The following NRXN1 variants were observed in gnomAD, a reference collection of about 807,000 sequenced individuals.
NRXN1 encodes neurexin-1.
A neutral mutation model predicts 150.9 loss-of-function variants in NRXN1; 39 were observed. That is an observed-to-expected ratio of 0.26 (90% CI 0.20 to 0.34). The LOEUF (loss-of-function observed/expected upper bound fraction) is 0.34, where lower values mean the gene tolerates loss of function less well. Ranked by LOEUF, NRXN1 falls within the 10% of genes least tolerant of loss-of-function variation. NRXN1 has a pLI of 1.00. For missense variants in NRXN1, 1,815 were observed against 1,949.9 expected (o/e 0.93, Z 1.30); for synonymous variants, 924 against 757.0 (o/e 1.22, Z -3.62).
chr2:50,055,900 CTAAG>C (rs1162859127), intron 19 of NRXN1, among the ~76,000 whole-genome samples: 1 of 152,138 alleles, frequency 6.6e-6, no homozygotes, highest in Non-Finnish European at 1.5e-5. Context: ...TAGATCTAAC[CTAAG>C]TGAGAGCCCT....
At chr2:50,269,495 CAG>C (rs1398263215) in intron 17 of NRXN1, among the ~76,000 whole-genome samples, 1 of 152,172 alleles carries the variant, frequency 6.6e-6, no homozygotes, top group African/African-American at 2.4e-5. Context: ...AAAATAATAA[CAG>C]ATTATATCTG....
chr2:50,549,755 C>T (rs1667163486), intron 9 of NRXN1, among the ~76,000 whole-genome samples: 1 of 152,082 alleles, frequency 6.6e-6, no homozygotes, highest in South Asian at 2.1e-4. Context: ...TTTTATTCTG[C>T]TTGAAGATTA....
At chr2:50,228,043 T>A (rs889702611) in intron 18 of NRXN1, among the ~76,000 whole-genome samples, 1 of 152,060 alleles carries the variant, frequency 6.6e-6, no homozygotes, top group Admixed American at 6.6e-5. Context: ...ATGAGAGGTG[T>A]TGTTAAGTGT....
intron 17 of NRXN1, among the ~76,000 whole-genome samples, chr2:50,296,293 G>A (rs1329641365): frequency 6.6e-6 from 1 of 152,172 alleles, no homozygotes; most frequent in African/African-American, 2.4e-5. Flanking sequence ...AGTGAGAGAA[G>A]CAAATGCTTC....
chr2:50,103,067 G>A (rs184974275), intron 18 of NRXN1, among the ~76,000 whole-genome samples: 27 of 152,150 alleles, frequency 1.8e-4, no homozygotes, highest in Admixed American at 5.2e-4. Context: ...TATGCAACCT[G>A]ACATTCATCT....
chr2:50,667,347 A>C (rs901193645), intron 5 of NRXN1, among the ~76,000 whole-genome samples: 1 of 151,974 alleles, frequency 6.6e-6, no homozygotes, highest in African/African-American at 2.4e-5. Flanking sequence ...AAGTGTTACA[A>C]ATAGCACTTG....
chr2:50,327,622 C>A (rs2076471196), intron 17 of NRXN1, among the ~76,000 whole-genome samples: 1 of 151,594 alleles, frequency 6.6e-6, no homozygotes, highest in South Asian at 2.1e-4. Context: ...TCCCTCCCTC[C>A]TTCCCTCCCT....
chr2:50,194,078 C>A (rs1178493384), intron 18 of NRXN1, among the ~76,000 whole-genome samples: 1 of 152,090 alleles, frequency 6.6e-6, no homozygotes, highest in Non-Finnish European at 1.5e-5. Flanking sequence ...ACTGGCTTAC[C>A]CTTTGGTCAT....
intron 8 of NRXN1, among the ~76,000 whole-genome samples, chr2:50,567,746 T>C (rs975760840): frequency 1.3e-5 from 2 of 152,190 alleles, no homozygotes; most frequent in Non-Finnish European, 2.9e-5. Context: ...TTAGATATCA[T>C]TAAAATTAGA....
intron 18 of NRXN1, among the ~76,000 whole-genome samples, chr2:50,121,791 G>T (rs1274465370): frequency 6.6e-6 from 1 of 152,174 alleles, no homozygotes; most frequent in South Asian, 2.1e-4. Flanking sequence ...GGATTAGCGA[G>T]ATTGAATCAT....
intron 5 of NRXN1, among the ~76,000 whole-genome samples, chr2:50,754,343 ACT>A (rs1367911452): frequency 2.6e-5 from 4 of 151,726 alleles, no homozygotes; most frequent in African/African-American, 9.7e-5. Flanking sequence ...TGGCTTTAAG[ACT>A]CTTGTAAATT....
intron 17 of NRXN1, among the ~76,000 whole-genome samples, chr2:50,267,019 G>A (rs1045749068): frequency 6.6e-6 from 1 of 152,154 alleles, no homozygotes; most frequent in South Asian, 2.1e-4. Context: ...TTATGATCAT[G>A]CCTCAGAAAA....
intron 18 of NRXN1, among the ~76,000 whole-genome samples, chr2:50,189,897 T>C (rs903823921): frequency 3.3e-5 from 5 of 152,334 alleles, no homozygotes; most frequent in Admixed American, 1.3e-4. Flanking sequence ...AGTTTGCACA[T>C]GGATGATACT....
At chr2:50,981,383 A>G (rs1419018045) in intron 2 of NRXN1, among the ~76,000 whole-genome samples, 1 of 142,678 alleles carries the variant, frequency 7.0e-6, no homozygotes, top group Non-Finnish European at 1.5e-5. Flanking sequence ...ACTTGAACGC[A>G]GGAGGCAGAG....
intron 22 of NRXN1, among the ~76,000 whole-genome samples, chr2:49,929,473 G>A (rs1314595334): frequency 6.6e-6 from 1 of 152,004 alleles, no homozygotes. Context: ...CATCTATTAT[G>A]GTGCTTACTC....
chr2:50,082,178 A>AT (rs1289076920), intron 19 of NRXN1, among the ~76,000 whole-genome samples: 2 of 152,260 alleles, frequency 1.3e-5, no homozygotes, highest in South Asian at 2.1e-4. Flanking sequence ...TGATTAATTC[A>AT]TTTTTTGTAA....
chr2:50,221,802 G>A (rs1415311814), intron 18 of NRXN1, among the ~76,000 whole-genome samples: 4 of 151,906 alleles, frequency 2.6e-5, no homozygotes, highest in African/African-American at 9.7e-5. Flanking sequence ...TTACTCCCTT[G>A]ATATAATCCA....
At chr2:50,340,135 A>C (rs1000808229) in intron 17 of NRXN1, among the ~76,000 whole-genome samples, 2 of 152,200 alleles carry the variant, frequency 1.3e-5, no homozygotes, top group African/African-American at 4.8e-5. Flanking sequence ...TGATGATCAT[A>C]AGCCCTGCCG....
At chr2:50,851,979 G>A (rs186437102) in intron 5 of NRXN1, among the ~76,000 whole-genome samples, 18 of 152,294 alleles carry the variant, frequency 1.2e-4, no homozygotes, top group Admixed American at 8.5e-4. Flanking sequence ...ACACTCCAAA[G>A]GACGCGAATG....
Sources: allele counts gnomAD v4.1 joint callset (sites outside exome capture counted in the v4.1 genomes callset), GRCh38; gene constraint gnomAD v4.1.1; transcripts MANE v1.5; gene names NCBI Gene and HGNC (gene_info 2026-07-23, HGNC 2026-07-21).